RCOR1: variants seen among roughly 807,000 people sequenced by gnomAD.
RCOR1 encodes REST corepressor 1.
Under a neutral mutation model 64.0 loss-of-function variants are expected in RCOR1, and 12 were observed. That is an observed-to-expected ratio of 0.19 (90% CI 0.12 to 0.30). The LOEUF (loss-of-function observed/expected upper bound fraction) is 0.30, where lower values mean the gene tolerates loss of function less well. Ranked by LOEUF, RCOR1 falls within the 10% of genes least tolerant of loss-of-function variation. The pLI is 1.00. For synonymous variants in RCOR1, 279 were observed against 227.2 expected (o/e 1.23, Z -2.05); for missense variants, 502 against 621.2 (o/e 0.81, Z 2.04).
At chr14:102,617,972 C>CTTTTTTTTTTCTTTTTTTTTTTT (rs1893797520) in intron 2 of RCOR1, among the ~76,000 whole-genome samples, 1 of 122,528 alleles carries the variant, frequency 8.2e-6, no homozygotes. Context: ...TTTTTTTTTT[C>CTTTTTTTTTTCTTTTTTTTTTTT]TTTTTTTTTT....
chr14:102,721,294 C>CTAA (rs1205699897), intron 9 of RCOR1, 26 bp from the exon 10 acceptor site: 6 of 1,601,330 alleles, frequency 3.7e-6, no homozygotes, highest in Non-Finnish European at 5.1e-6. Flanking sequence ...ATGTAATGTG[C>CTAA]TAAAATGACT....
At position 102,714,420 on chromosome 14, in the gene RCOR1, C is replaced by T. The variant is rs1170052959; in HGVS notation, c.859-3C>T. 6.3e-7 allele frequency: 1 copy of T among 1,588,912 alleles called. No homozygotes were observed. Among genetic ancestry groups the T allele is most frequent in the Non-Finnish European group, 8.6e-7 (1 of 1,165,592 alleles). The stretch of plus-strand genomic sequence containing the variant: ...TCATTCATCACCTGTGTATATCATG[C>T]AGGTTCCCCCTACTGAGACAGTTCC... On this transcript the variant is annotated splice_region_variant and splice_polypyrimidine_tract_variant and intron_variant, in intron 7 of 11. Coordinates refer to ENST00000262241, the MANE Select transcript of RCOR1 (RefSeq NM_015156.4).
chr14:102,609,209 C>A (rs1396716116), intron 2 of RCOR1, among the ~76,000 whole-genome samples: 1 of 151,308 alleles, frequency 6.6e-6, no homozygotes, highest in African/African-American at 2.4e-5. Context: ...CTACACCTGG[C>A]TAATTTTTGT....
rs71119732 is a variant in RCOR1 at position 102,706,114 on chromosome 14, C to CAAAAAAAAAAAAAAAAAAAAAAAAAAAA, written c.499-1236_499-1209dup. On this transcript the variant is annotated intron_variant, in intron 4 of 11. Coordinates refer to ENST00000262241, the MANE Select transcript of RCOR1 (RefSeq NM_015156.4). ...GGGCAAGGAGAGTGAAACCCTGTCT[C>CAAAAAAAAAAAAAAAAAAAAAAAAAAAA]AAAAAAAAAAAAAAAAAAAAAAAAA... Among the ~76,000 whole-genome samples the CAAAAAAAAAAAAAAAAAAAAAAAAAAAA allele has an allele frequency of 2.3e-4, 5 of 21,334 alleles. 1 individual carries two copies. The highest frequency in any genetic ancestry group is 9.9e-4 in the African/African-American group (4 of 4,052). The allele number at this position is 21,334 out of a possible 152,430, so 14.0% of individuals were successfully genotyped here.
At chr14:102,708,752 C>T (rs1895906319) in intron 6 of RCOR1, among the ~76,000 whole-genome samples, 169 bp downstream of exon 6, 1 of 151,780 alleles carries the variant, frequency 6.6e-6, no homozygotes, top group Admixed American at 6.6e-5. Flanking sequence ...TTTTTTCTCA[C>T]CACTCTTTCC....
intron 2 of RCOR1, among the ~76,000 whole-genome samples, chr14:102,661,761 TTTTG>T (rs768967528): frequency 4.6e-5 from 7 of 151,986 alleles, no homozygotes; most frequent in Non-Finnish European, 8.8e-5. Context: ...GGACATGAGT[TTTTG>T]TTTGTTTTTG....
intron 11 of RCOR1, among the ~76,000 whole-genome samples, chr14:102,722,674 C>A (rs1410401448): frequency 6.6e-6 from 1 of 152,194 alleles, no homozygotes; most frequent in African/African-American, 2.4e-5. Context: ...TCTGCATTAT[C>A]AGTTTTTCCT....
At chr14:102,689,640 GTTTT>G (rs930932356) in intron 3 of RCOR1, among the ~76,000 whole-genome samples, 1 of 152,090 alleles carries the variant, frequency 6.6e-6, no homozygotes, top group African/African-American at 2.4e-5. Context: ...TGCATTTTGG[GTTTT>G]TTATTTTATA....
chr14:102,676,769 C>T (rs1308310038), intron 2 of RCOR1, among the ~76,000 whole-genome samples: 1 of 93,942 alleles, frequency 1.1e-5, no homozygotes, highest in Admixed American at 9.0e-5. Context: ...GGCGGCTGGC[C>T]GGGCAGAGGG....
intron 3 of RCOR1, among the ~76,000 whole-genome samples, chr14:102,684,575 G>GA (rs1164346476): frequency 1.3e-5 from 2 of 151,840 alleles, no homozygotes; most frequent in Non-Finnish European, 2.9e-5. Flanking sequence ...TCTACTCTGG[G>GA]AAAAAAACAA....
In RCOR1 at chr14:102,727,361, C is replaced by T. The variant is rs1896289005; in HGVS notation, c.*855C>T. On this transcript the variant is annotated 3_prime_UTR_variant, in exon 12 of 12. Coordinates refer to ENST00000262241, the MANE Select transcript of RCOR1 (RefSeq NM_015156.4). ...CTTGTAAATTTGGAATTGGTGCCTTCTCCTTTTGGCAACCATGGTTATCAA... is the reference window on the plus strand; with the variant it reads ...CTTGTAAATTTGGAATTGGTGCCTTTTCCTTTTGGCAACCATGGTTATCAA... The T allele has an allele frequency of 7.1e-6, 1 of 140,998 alleles. No individual in the cohort carries two copies. Among genetic ancestry groups the T allele is most frequent in the African/African-American group, 2.6e-5 (1 of 38,188 alleles). The allele number at this position is 140,998 out of a possible 1,614,324, so 8.7% of individuals were successfully genotyped here.
intron 2 of RCOR1, among the ~76,000 whole-genome samples, chr14:102,630,271 T>A (rs1413169558): frequency 2.6e-5 from 4 of 152,188 alleles, no homozygotes; most frequent in Non-Finnish European, 4.4e-5. Flanking sequence ...CCATGTGACC[T>A]CTTCACATGC....
chr14:102,650,034 T>C (rs558236771), intron 2 of RCOR1, among the ~76,000 whole-genome samples: 1 of 151,842 alleles, frequency 6.6e-6, no homozygotes, highest in East Asian at 1.9e-4. Context: ...CCGTCTCTAC[T>C]AAAAATACAA....
intron 2 of RCOR1, among the ~76,000 whole-genome samples, chr14:102,634,014 A>AT (rs1256106509): frequency 6.6e-6 from 1 of 152,058 alleles, no homozygotes; most frequent in African/African-American, 2.4e-5. Flanking sequence ...ACTCCACGTA[A>AT]TTGTGCCTCA....
Position 102,593,030 on chromosome 14 carries a change from C to CGCCGCCGCCTCCTCAGCCTCG in RCOR1, c.154_174dup (p.Ser52_Ala58dup). 7.9e-7 allele frequency: 1 copy of CGCCGCCGCCTCCTCAGCCTCG among 1,265,918 alleles called. No homozygotes were observed. The allele number at this position is 1,265,918 out of a possible 1,614,324, so 78.4% of individuals were successfully genotyped here. A position where few individuals can be genotyped will look rare whatever the true frequency, so the allele number is the denominator to read the frequency against. ...CGCCAGCCGCCACTGCCGCCTCGGG[C>CGCCGCCGCCTCCTCAGCCTCG]GCCGCCGCCTCCTCAGCCTCGGCCG... On this transcript the variant is annotated inframe_insertion, in exon 1 of 12. Coordinates refer to ENST00000262241, the MANE Select transcript of RCOR1 (RefSeq NM_015156.4).
chr14:102,701,296 T>A lies in RCOR1; in HGVS notation c.464T>A (p.Ile155Asn). The A allele has an allele frequency of 6.2e-7, 1 of 1,613,230 alleles. No individual in the cohort carries two copies. Among genetic ancestry groups the A allele is most frequent in the Non-Finnish European group, 8.5e-7 (1 of 1,179,612 alleles). ...SEAKLDEYIA[I>N]AKEKHGYNME... Reference sequence around the variant, plus strand: ...TTTTCAGTGGATGAATACATTGCCATTGCCAAAGAAAAGCATGGGTACAAC... The same window carrying A: ...TTTTCAGTGGATGAATACATTGCCAATGCCAAAGAAAAGCATGGGTACAAC... Residue 155 changes from isoleucine (I) to asparagine (N), a missense_variant, in exon 4 of 12, where the codon ATT (isoleucine) becomes AAT (asparagine). Ile to Asn is a moderately radical substitution (Grantham distance 149). Around this residue, in one of 2 missense-constraint regions of RCOR1, gnomAD observed 260 missense variants for 416.4 expected, o/e 0.62. Transcript: ENST00000262241.
chr14:102,611,104 T>G (rs1476321667), intron 2 of RCOR1, among the ~76,000 whole-genome samples: 1 of 152,096 alleles, frequency 6.6e-6, no homozygotes, highest in Non-Finnish European at 1.5e-5. Context: ...AGTTTCGCTC[T>G]TGTTGCCCAG....
chr14:102,714,219 C>T (rs1896018135), intron 7 of RCOR1, among the ~76,000 whole-genome samples: 1 of 152,130 alleles, frequency 6.6e-6, no homozygotes, highest in Non-Finnish European at 1.5e-5. Flanking sequence ...GAGTGGAACA[C>T]AGTTTCATTG....
intron 2 of RCOR1, among the ~76,000 whole-genome samples, chr14:102,633,579 A>G (rs1894172329): frequency 6.6e-6 from 1 of 152,054 alleles, no homozygotes. Context: ...TTGCTCTGTC[A>G]CCCAGGCTAG....
Sources: gnomAD v4.1 joint callset for allele counts (sites outside exome capture counted in the v4.1 genomes callset) on GRCh38, gnomAD v4.1.1 for gene constraint, gnomAD v4.1.1 regional missense constraint, MANE v1.5 for transcripts, NCBI Gene and HGNC (gene_info 2026-07-23, HGNC 2026-07-21) for gene names.